The following VPS53 variants were observed in gnomAD, a reference collection of about 807,000 sequenced individuals.
VPS53 encodes the protein vacuolar protein sorting-associated protein 53 homolog.
In VPS53, 70 loss-of-function variants were observed where a neutral mutation model predicts 107.0. The observed-to-expected ratio is 0.65, with a 90% CI of 0.54 to 0.80. The LOEUF (loss-of-function observed/expected upper bound fraction) is 0.80, where lower values mean the gene tolerates loss of function less well. VPS53 is among the 30% of genes least tolerant of loss of function. The pLI is 0.00. For synonymous variants in VPS53, 409 were observed against 393.3 expected (o/e 1.04, Z -0.47); for missense variants, 917 against 1,049.4 (o/e 0.87, Z 1.74).
chr17:579,336 C>T (rs1171449584), intron 13 of VPS53, among the ~76,000 whole-genome samples: 2 of 150,942 alleles, frequency 1.3e-5, no homozygotes, highest in Non-Finnish European at 2.9e-5. Context: ...TAATGCGTTC[C>T]CAGAGAAATT....
At chr17:660,837 C>T (rs987819203) in intron 5 of VPS53, among the ~76,000 whole-genome samples, 10 of 152,192 alleles carry the variant, frequency 6.6e-5, no homozygotes, top group Admixed American at 6.5e-5. Context: ...TCTTATTTTA[C>T]AGTTGAAGAA....
At chr17:654,422 G>A (rs1245929314) in intron 6 of VPS53, among the ~76,000 whole-genome samples, 1 of 151,986 alleles carries the variant, frequency 6.6e-6, no homozygotes, top group Non-Finnish European at 1.5e-5. Context: ...TGTAATTTAT[G>A]ATTTTCCATA....
At chr17:578,332 C>A (rs577154815) in intron 13 of VPS53, among the ~76,000 whole-genome samples, 2 of 151,014 alleles carry the variant, frequency 1.3e-5, no homozygotes, top group Admixed American at 6.6e-5. Context: ...GAATTTAATG[C>A]GTTCCCAGAG....
chr17:532,948 C>A, intron 18 of VPS53, 37 bp from the exon 19 acceptor site: 1 of 1,604,484 alleles, frequency 6.2e-7, no homozygotes, highest in Non-Finnish European at 8.5e-7. Flanking sequence ...TAGGCTTATT[C>A]TCTCTTGAGG....
chr17:603,738 A>G (rs1426866104), intron 11 of VPS53, among the ~76,000 whole-genome samples: 2 of 152,104 alleles, frequency 1.3e-5, no homozygotes, highest in Non-Finnish European at 1.5e-5. Flanking sequence ...AACATGAGAG[A>G]AAAAAAATCC....
chr17:697,612 A>G, intron 3 of VPS53, 128 bp from the exon 4 acceptor site: 1 of 751,980 alleles, frequency 1.3e-6, no homozygotes, highest in Non-Finnish European at 2.2e-6. Context: ...AGAAAACCAA[A>G]CATGTGTGAG....
Position 519,788 on chromosome 17 carries a change from G to A in VPS53, c.2328+38C>T, listed in dbSNP as rs369962830. ...CGGTTAAGAACCGCTGAGTGTGAGG[G>A]GGATGAGCAGGTGTGGACCAAATGT... On this transcript the variant is annotated intron_variant, in intron 21 of 21. Transcript: ENST00000437048. This position sits in a 1 kb window ranked among gnomAD's most constrained non-coding sequence, Gnocchi z 5.0. 7.1e-7 allele frequency: 1 copy of A among 1,405,972 alleles called. No homozygotes were observed. Among genetic ancestry groups the A allele is most frequent in the South Asian group, 1.2e-5 (1 of 80,936 alleles). The allele number at this position is 1,405,972 out of a possible 1,614,324, so 87.1% of individuals were successfully genotyped here.
intron 12 of VPS53, among the ~76,000 whole-genome samples, chr17:592,029 G>C (rs926595569): frequency 1.3e-5 from 2 of 152,094 alleles, no homozygotes; most frequent in Non-Finnish European, 2.9e-5. Flanking sequence ...GGGAGTCTAA[G>C]TCTCTTTGTA....
intron 5 of VPS53, among the ~76,000 whole-genome samples, chr17:659,261 C>A (rs1349700216): frequency 1.3e-5 from 2 of 152,042 alleles, no homozygotes; most frequent in African/African-American, 4.8e-5. Context: ...TTCAGTCTAA[C>A]ATAGGGAGTC....
At chr17:526,545 C>A (rs1026340804) in intron 19 of VPS53, among the ~76,000 whole-genome samples, 2 of 152,198 alleles carry the variant, frequency 1.3e-5, no homozygotes, top group African/African-American at 4.8e-5. Flanking sequence ...TGTGCAAAGA[C>A]AAGACAGAAA....
At chr17:595,080 T>C (rs1427269947) in intron 12 of VPS53, among the ~76,000 whole-genome samples, 1 of 87,192 alleles carries the variant, frequency 1.1e-5, no homozygotes, top group Admixed American at 1.0e-4. Flanking sequence ...TGGATCAATT[T>C]CCTCGTTTGA....
At chr17:569,634 T>C (rs971252371) in intron 13 of VPS53, among the ~76,000 whole-genome samples, 2 of 152,252 alleles carry the variant, frequency 1.3e-5, no homozygotes, top group Admixed American at 6.5e-5. Flanking sequence ...AAAATCACCA[T>C]TTGACTGGGC....
intron 18 of VPS53, among the ~76,000 whole-genome samples, chr17:536,032 T>C (rs1044928071): frequency 3.3e-5 from 5 of 152,208 alleles, no homozygotes; most frequent in Non-Finnish European, 7.3e-5. Flanking sequence ...AAATGCTTGC[T>C]TGATAACTGG....
rs1425610274 is a variant in VPS53, at chr17:628,131, T to A, written c.788A>T (p.Gln263Leu). The A allele has an allele frequency of 6.2e-7, 1 of 1,614,032 alleles. No individual in the cohort carries two copies. Among genetic ancestry groups the A allele is most frequent in the Non-Finnish European group, 8.5e-7 (1 of 1,179,978 alleles). Reference protein sequence around the residue: ...KQEIIKKFIKQHLSEYLVLFQ... With the variant: ...KQEIIKKFIKLHLSEYLVLFQ... ...AAGTACCAGATACTCTGACAGATGCTGTTTAATAAACTTTTTGATGATTTC... is the reference window on the plus strand; with the variant it reads ...AAGTACCAGATACTCTGACAGATGCAGTTTAATAAACTTTTTGATGATTTC... Residue 263 changes from glutamine (Q) to leucine (L), a missense_variant, in exon 9 of 22, where the codon CAG (glutamine) becomes CTG (leucine). Physicochemically the swap from Gln to Leu is moderately radical, Grantham distance 113 (BLOSUM62 -2). Transcript: ENST00000437048.
chr17:625,388 G>A (rs1969656710), intron 10 of VPS53, among the ~76,000 whole-genome samples: 1 of 151,876 alleles, frequency 6.6e-6, no homozygotes, highest in African/African-American at 2.4e-5. Context: ...CCTGAGCCCG[G>A]GAGTTCAAGG....
At chr17:656,616 T>C (rs1009123238) in intron 5 of VPS53, among the ~76,000 whole-genome samples, 1 of 152,056 alleles carries the variant, frequency 6.6e-6, no homozygotes, top group Non-Finnish European at 1.5e-5. Flanking sequence ...GCATATTCAA[T>C]AGAGAAGTTG....
intron 4 of VPS53, among the ~76,000 whole-genome samples, chr17:683,131 A>G (rs908842424): frequency 5.3e-5 from 8 of 152,238 alleles, no homozygotes; most frequent in Non-Finnish European, 1.2e-4. Flanking sequence ...AGGAAAAAAG[A>G]AAAGAAAATC....
chr17:686,743 G>C (rs1454008260), intron 4 of VPS53, among the ~76,000 whole-genome samples: 1 of 152,216 alleles, frequency 6.6e-6, no homozygotes, highest in East Asian at 1.9e-4. Flanking sequence ...TGGATGCACG[G>C]AACTAGGAAA....
chr17:698,252 G>C (rs1973055305), intron 3 of VPS53, among the ~76,000 whole-genome samples: 1 of 152,140 alleles, frequency 6.6e-6, no homozygotes, highest in Non-Finnish European at 1.5e-5. Flanking sequence ...GGCCAACACA[G>C]TGTAACCCTG....
Sources: allele counts gnomAD v4.1 joint callset (sites outside exome capture counted in the v4.1 genomes callset), GRCh38; gene constraint gnomAD v4.1.1; non-coding constraint Gnocchi (gnomAD v3.1); transcripts MANE v1.5; gene names NCBI Gene and HGNC (gene_info 2026-07-23, HGNC 2026-07-21).